ANKRD30BL: variants seen among roughly 807,000 people sequenced by gnomAD.
The protein encoded by ANKRD30BL is putative ankyrin repeat domain-containing protein 30B-like.
A neutral mutation model predicts 18.4 loss-of-function variants in ANKRD30BL; 20 were observed. That is an observed-to-expected ratio of 1.09 (90% CI 0.77 to 1.58). The LOEUF (loss-of-function observed/expected upper bound fraction) is 1.58. Among genes scored for constraint, ANKRD30BL ranks in the 40% most tolerant of loss-of-function variants. ANKRD30BL has a pLI of 0.00. For synonymous variants in ANKRD30BL, 72 were observed against 100.9 expected (o/e 0.71, Z 1.72); for missense variants, 224 against 268.6 (o/e 0.83, Z 1.16).
intron 1 of ANKRD30BL, among the ~76,000 whole-genome samples, chr2:132,175,493 T>C (rs1169984892): frequency 2.6e-5 from 4 of 152,250 alleles, no homozygotes; most frequent in Non-Finnish European, 5.9e-5. Flanking sequence ...GGTATTATAC[T>C]GAGACATTCA....
chr2:132,221,791 G>A (rs1371538608), intron 1 of ANKRD30BL, among the ~76,000 whole-genome samples: 2 of 116,734 alleles, frequency 1.7e-5, no homozygotes, highest in Non-Finnish European at 3.4e-5. Flanking sequence ...CCCTCTGCCC[G>A]GCCAGCCGCC....
chr2:132,204,806 G>T (rs1438276429), intron 1 of ANKRD30BL, among the ~76,000 whole-genome samples: 22 of 152,234 alleles, frequency 1.4e-4, no homozygotes, highest in African/African-American at 5.3e-4. Flanking sequence ...AAAAGAAATA[G>T]ATTTATTTGC....
At chr2:132,257,126 G>C (rs373076774) in intron 1 of ANKRD30BL, 1 of 469,564 alleles carries the variant, frequency 2.1e-6, no homozygotes, top group Admixed American at 2.3e-5. Flanking sequence ...TCAGGACCCC[G>C]AGGTGACCTC....
At chr2:132,152,253 A>C (rs1285185176) in intron 4 of ANKRD30BL, 1 of 152,228 alleles carries the variant, frequency 6.6e-6, no homozygotes, top group Non-Finnish European at 1.5e-5. Flanking sequence ...AGAAATATGC[A>C]ACACCTTACA....
upstream of ANKRD30BL, among the ~76,000 whole-genome samples, chr2:132,165,765 C>CT (rs542769216): frequency 0.012 from 1,633 of 137,754 alleles, 13 homozygotes; most frequent in African/African-American, 0.022. Context: ...ATATGTAAGA[C>CT]TTTTTTTTTT....
chr2:132,205,381 C>G (rs1414098909), intron 1 of ANKRD30BL, among the ~76,000 whole-genome samples: 2 of 145,796 alleles, frequency 1.4e-5, no homozygotes, highest in Non-Finnish European at 2.9e-5. Flanking sequence ...GAGGCCGAGG[C>G]GGGCGGATCA....
chr2:132,187,761 C>CT (rs113704728), intron 1 of ANKRD30BL, among the ~76,000 whole-genome samples: 4,595 of 142,146 alleles, frequency 0.032, 209 homozygotes, highest in African/African-American at 0.1. Context: ...AGAATAGATT[C>CT]TTTTTTTTTT....
rs1350901143 is a variant in ANKRD30BL, at chr2:132,241,041, TC to T, written n.441+16487del. On this transcript the variant is annotated intron_variant and non_coding_transcript_variant, in intron 1 of 4. Transcript: ENST00000470729. ...CTAGACAGAAGCATTCTCAGAAACT[TC>T]TTTGTGATGCTTTCATTCAACTCAC... Among the ~76,000 whole-genome samples the T allele has an allele frequency of 5.7e-5, 8 of 141,482 alleles. No individual in the cohort carries two copies. The South Asian group carries it at 9.0e-4, about 16-fold the overall frequency. 92.8% of individuals were successfully genotyped at this position (141,482 alleles called of 152,430 possible). A position where few individuals can be genotyped will look rare whatever the true frequency, so the allele number is the denominator to read the frequency against.
intron 1 of ANKRD30BL, among the ~76,000 whole-genome samples, chr2:132,240,090 G>C (rs1183618351): frequency 6.6e-6 from 1 of 151,500 alleles, no homozygotes; most frequent in Non-Finnish European, 1.5e-5. Flanking sequence ...CACTCTTTTA[G>C]TAGAATCTAC....
At chr2:132,237,097 G>A (rs1356886389) in intron 1 of ANKRD30BL, among the ~76,000 whole-genome samples, 1 of 151,878 alleles carries the variant, frequency 6.6e-6, no homozygotes, top group Non-Finnish European at 1.5e-5. Flanking sequence ...GACACAGGAA[G>A]GGGAACATCA....
intron 1 of ANKRD30BL, among the ~76,000 whole-genome samples, chr2:132,203,259 C>G (rs1016381659): frequency 6.6e-6 from 1 of 152,272 alleles, no homozygotes. Context: ...TTGGTTCTAA[C>G]TTTCAAATCA....
chr2:132,231,517 C>T (rs1023333173), intron 1 of ANKRD30BL, among the ~76,000 whole-genome samples: 8 of 152,294 alleles, frequency 5.3e-5, no homozygotes, highest in South Asian at 2.1e-4. Context: ...CGATGCATTG[C>T]CTCACTTGGG....
In ANKRD30BL at chr2:132,171,154, C is replaced by CAAA. The variant is rs34972551; in HGVS notation, n.442-14011_442-14009dup. Among the ~76,000 whole-genome samples the CAAA allele has an allele frequency of 4.8e-3, 573 of 120,612 alleles. 12 individuals carry two copies. The highest frequency in any genetic ancestry group is 0.016 in the African/African-American group (535 of 32,970). 79.1% of individuals were successfully genotyped at this position (120,612 alleles called of 152,430 possible). A position where few individuals can be genotyped will look rare whatever the true frequency, so the allele number is the denominator to read the frequency against. ...TGGGAGACAGAGCCAGACTCTGTCT[C>CAAA]AAAAAAAAAAAAAAGAATAACACTT... On this transcript the variant is annotated intron_variant and non_coding_transcript_variant, in intron 1 of 4. Coordinates refer to the ANKRD30BL transcript ENST00000470729.
At chr2:132,194,321 G>A (rs886258764) in intron 1 of ANKRD30BL, among the ~76,000 whole-genome samples, 1 of 152,086 alleles carries the variant, frequency 6.6e-6, no homozygotes, top group South Asian at 2.1e-4. Flanking sequence ...AGGAGGTGGG[G>A]GTAATGGATT....
chr2:132,165,256 GTTT>G (rs34616292), upstream of ANKRD30BL, among the ~76,000 whole-genome samples: 23 of 142,616 alleles, frequency 1.6e-4, no homozygotes, highest in African/African-American at 3.4e-4. Context: ...TGACGTATCA[GTTT>G]TTTTTTTTTT....
chr2:132,148,786 A>G (rs543807884), intron 5 of ANKRD30BL, among the ~76,000 whole-genome samples: 1 of 152,336 alleles, frequency 6.6e-6, no homozygotes, highest in Non-Finnish European at 1.5e-5. Flanking sequence ...GGGTTCTCGC[A>G]CAGAGTAAGC....
chr2:132,206,052 G>A (rs1319969552), intron 1 of ANKRD30BL, among the ~76,000 whole-genome samples: 3 of 152,034 alleles, frequency 2.0e-5, no homozygotes, highest in African/African-American at 7.2e-5. Context: ...TAGCTACTTG[G>A]GAGGCTGAGA....
intron 1 of ANKRD30BL, among the ~76,000 whole-genome samples, chr2:132,252,287 C>T (rs1187257788): frequency 6.6e-6 from 1 of 152,198 alleles, no homozygotes; most frequent in Non-Finnish European, 1.5e-5. Context: ...AGATTGCCTA[C>T]ATACTAAACG....
At chr2:132,148,634 T>C (rs1460361236) in intron 5 of ANKRD30BL, among the ~76,000 whole-genome samples, 3 of 151,988 alleles carry the variant, frequency 2.0e-5, no homozygotes, top group Non-Finnish European at 4.4e-5. Context: ...CCTTCCAAAG[T>C]GCTAGGATTA....
Sources: allele counts gnomAD v4.1 joint callset (sites outside exome capture counted in the v4.1 genomes callset), GRCh38; gene constraint gnomAD v4.1.1; transcripts MANE v1.5; gene names NCBI Gene and HGNC (gene_info 2026-07-23, HGNC 2026-07-21).